TTC29: variants seen among roughly 807,000 people sequenced by gnomAD.
The protein encoded by TTC29 is tetratricopeptide repeat domain 29.
A neutral mutation model predicts 58.1 loss-of-function variants in TTC29; 49 were observed. That is an observed-to-expected ratio of 0.84 (90% CI 0.67 to 1.07). TTC29 has a LOEUF of 1.07. Ranked by LOEUF, TTC29 falls within the 50% of genes least tolerant of loss-of-function variation. TTC29 has a pLI of 0.00. For missense variants in TTC29, 582 were observed against 555.6 expected (o/e 1.05, Z -0.48); for synonymous variants, 209 against 196.8 (o/e 1.06, Z -0.52).
chr4:146,867,519 C>T lies in TTC29; in HGVS notation c.864G>A (p.Glu288=), dbSNP rs1327187174. ...YYLGLAHLAA[E]EYETALTVLD... Reference sequence around the variant, plus strand: ...TTACTGTTAATGCTGTTTCATATTCCTCAGCAGCTAAGTGTGCTAAGCCCA... The same window carrying T: ...TTACTGTTAATGCTGTTTCATATTCTTCAGCAGCTAAGTGTGCTAAGCCCA... Residue 288 remains glutamate (E), a synonymous_variant, in exon 8 of 13, where the codon GAG becomes GAA. Coordinates refer to ENST00000325106, the MANE Select transcript of TTC29 (RefSeq NM_031956.4). 7 of 1,540,818 alleles carry T rather than the reference C, an allele frequency of 4.5e-6. No individual in the cohort carries two copies. Among genetic ancestry groups the T allele is most frequent in the Admixed American group, 1.9e-5 (1 of 52,268 alleles).
chr4:146,831,764 G>A (rs940559349), intron 9 of TTC29: 4 of 448,692 alleles, frequency 8.9e-6, no homozygotes, highest in African/African-American at 2.0e-5. Flanking sequence ...AGGCTAAGAG[G>A]TGAGAATTAT....
chr4:146,871,168 G>T (rs1481732400), intron 7 of TTC29, among the ~76,000 whole-genome samples: 1 of 151,832 alleles, frequency 6.6e-6, no homozygotes. Context: ...AGCGATGCAA[G>T]GTTGGTTCAA....
intron 11 of TTC29, among the ~76,000 whole-genome samples, chr4:146,767,739 A>G (rs1747433134): frequency 6.6e-6 from 1 of 152,070 alleles, no homozygotes; most frequent in African/African-American, 2.4e-5. Flanking sequence ...ATCTATGTGC[A>G]GTATTTGTTC....
intron 11 of TTC29, among the ~76,000 whole-genome samples, chr4:146,798,312 GAC>G (rs1471204465): frequency 6.6e-6 from 1 of 152,102 alleles, no homozygotes; most frequent in Non-Finnish European, 1.5e-5. Context: ...GGGGAAGTAA[GAC>G]ACAGGATTGG....
chr4:146,936,224 T>C (rs1447105345), intron 4 of TTC29, among the ~76,000 whole-genome samples: 1 of 152,204 alleles, frequency 6.6e-6, no homozygotes, highest in African/African-American at 2.4e-5. Context: ...AAGAGAATAC[T>C]CATCACTATA....
chr4:146,859,548 C>T (rs1211481247), intron 8 of TTC29, among the ~76,000 whole-genome samples: 6 of 152,104 alleles, frequency 3.9e-5, no homozygotes, highest in African/African-American at 1.4e-4. Flanking sequence ...CTCAAACCAG[C>T]GTTATCCCTA....
chr4:146,819,687 T>C lies in TTC29; in HGVS notation c.1101+438A>G, dbSNP rs184852648. ...ATTTTCTGCAGAATTATTTTTAGGA[T>C]TGTCGTTTCTTCTTCTAAGGAAACT... On this transcript the variant is annotated intron_variant, in intron 10 of 12. Coordinates refer to ENST00000325106, the MANE Select transcript of TTC29 (RefSeq NM_031956.4). 3.3e-5 allele frequency among the ~76,000 whole-genome samples: 5 copies of C among 152,346 alleles called. No individual in the cohort carries two copies. The East Asian group carries it at 9.6e-4, about 29-fold the overall frequency.
chr4:146,862,340 T>C (rs10011144), intron 8 of TTC29, among the ~76,000 whole-genome samples: 57,165 of 151,212 alleles, frequency 0.38, 11,324 homozygotes, highest in African/African-American at 0.49. Flanking sequence ...ATAGAAATAT[T>C]GTAAGCTAGA....
At chr4:146,931,913 T>A (rs1470036364) in intron 4 of TTC29, among the ~76,000 whole-genome samples, 1 of 152,164 alleles carries the variant, frequency 6.6e-6, no homozygotes, top group Non-Finnish European at 1.5e-5. Context: ...TTAAAAAAGC[T>A]CCTTCCAACT....
rs1364237588 is a variant in TTC29 at position 146,706,653 on chromosome 4, A to G, written c.*505T>C. On this transcript the variant is annotated 3_prime_UTR_variant, in exon 13 of 13. Transcript: ENST00000325106. ...ACATGGATAAGTTTTATTATGTGCT[A>G]TCAGCTAAAAGTATCATAAAATATA... is the stretch of plus-strand genomic sequence containing the variant. The G allele has an allele frequency of 1.3e-5, 2 of 152,186 alleles. No individual in the cohort carries two copies. Among genetic ancestry groups the G allele is most frequent in the East Asian group, 3.9e-4 (2 of 5,190 alleles). 9.4% of individuals were successfully genotyped at this position (152,186 alleles called of 1,614,324 possible).
At chr4:146,896,866 C>T (rs182946145) in intron 6 of TTC29, among the ~76,000 whole-genome samples, 6 of 152,250 alleles carry the variant, frequency 3.9e-5, no homozygotes, top group Non-Finnish European at 7.4e-5. Context: ...TGCTCATTCT[C>T]ATATCATCTG....
chr4:146,762,350 T>C (rs932078082), intron 11 of TTC29, among the ~76,000 whole-genome samples: 1 of 151,130 alleles, frequency 6.6e-6, no homozygotes, highest in African/African-American at 2.4e-5. Context: ...TAATTTCTTT[T>C]TTTTTTTTTT....
chr4:146,894,403 C>G (rs566038973), intron 6 of TTC29, among the ~76,000 whole-genome samples: 1 of 151,872 alleles, frequency 6.6e-6, no homozygotes, highest in South Asian at 2.1e-4. Context: ...AGCTGGAAAC[C>G]ATCATTCTCA....
At chr4:146,716,193 G>A (rs1742917723) in intron 11 of TTC29, among the ~76,000 whole-genome samples, 2 of 152,044 alleles carry the variant, frequency 1.3e-5, no homozygotes, top group Non-Finnish European at 2.9e-5. Context: ...ATAAGCTAAT[G>A]AATTCAAAGA....
intron 10 of TTC29, among the ~76,000 whole-genome samples, chr4:146,819,136 T>TA (rs1421691836): frequency 6.7e-6 from 1 of 149,040 alleles, no homozygotes; most frequent in Admixed American, 6.7e-5. Context: ...AAATAAATAA[T>TA]AAAAAAATAA....
chr4:146,876,718 C>T (rs1284079400), intron 6 of TTC29, among the ~76,000 whole-genome samples: 1 of 151,980 alleles, frequency 6.6e-6, no homozygotes, highest in Non-Finnish European at 1.5e-5. Context: ...CTGTGGACCA[C>T]GAGGTCAGGA....
chr4:146,843,174 A>G (rs1728954095), intron 8 of TTC29, among the ~76,000 whole-genome samples: 1 of 151,892 alleles, frequency 6.6e-6, no homozygotes, highest in Admixed American at 6.6e-5. Flanking sequence ...ATGAAGGCAA[A>G]TAGCAGTGGC....
chr4:146,889,156 T>A (rs1029225700), intron 6 of TTC29, among the ~76,000 whole-genome samples: 2 of 152,162 alleles, frequency 1.3e-5, no homozygotes, highest in African/African-American at 4.8e-5. Context: ...ATTTTTAATA[T>A]CCCTTACTGC....
intron 4 of TTC29, among the ~76,000 whole-genome samples, chr4:146,927,787 G>C (rs932563251): frequency 6.6e-6 from 1 of 152,126 alleles, no homozygotes; most frequent in Non-Finnish European, 1.5e-5. Context: ...AGCTTGCCCA[G>C]TACACAAGGC....
Sources: allele counts gnomAD v4.1 joint callset (sites outside exome capture counted in the v4.1 genomes callset), GRCh38; gene constraint gnomAD v4.1.1; transcripts MANE v1.5; gene names NCBI Gene and HGNC (gene_info 2026-07-23, HGNC 2026-07-21).